The following SPAG16 variants were observed in gnomAD, a reference collection of about 807,000 sequenced individuals.
SPAG16 encodes sperm associated antigen 16, also known as sperm-associated antigen 16 protein.
In SPAG16, 86 loss-of-function variants were observed where a neutral mutation model predicts 80.4. The observed-to-expected ratio is 1.07, with a 90% CI of 0.90 to 1.28. The LOEUF is 1.28. SPAG16 is among the 50% of genes most tolerant of loss of function. The probability of loss-of-function intolerance (pLI) is 0.00; values close to 1 mark genes in which losing one functional copy is unlikely to be tolerated. For synonymous variants in SPAG16, 294 were observed against 265.9 expected (o/e 1.11, Z -1.03); for missense variants, 870 against 765.3 (o/e 1.14, Z -1.61).
At position 213,976,135 on chromosome 2, in the gene SPAG16, T is replaced by TATATATATATATACACACACAC. The variant is rs749957411; in HGVS notation, c.1401-37815_1401-37814insTATATATATATACACACACACA. Among the ~76,000 whole-genome samples the TATATATATATATACACACACAC allele has an allele frequency of 2.8e-4, 23 of 81,390 alleles. No individual in the cohort carries two copies. In the East Asian group the frequency reaches 3.0e-3, roughly 11 times the overall value. 53.4% of individuals were successfully genotyped at this position (81,390 alleles called of 152,430 possible). On this transcript the variant is annotated intron_variant, in intron 12 of 15. Coordinates refer to ENST00000331683, the MANE Select transcript of SPAG16 (RefSeq NM_024532.5). ...ATATATATATATATATATATATATA[T>TATATATATATATACACACACAC]ACACACACACACACACACACGTATG...
At chr2:214,262,121 A>T (rs1350902852) in intron 15 of SPAG16, among the ~76,000 whole-genome samples, 1 of 152,046 alleles carries the variant, frequency 6.6e-6, no homozygotes, top group African/African-American at 2.4e-5. Flanking sequence ...ATTTGTCATT[A>T]TTGTCCTTCT....
At position 213,855,392 on chromosome 2, in the gene SPAG16, G is replaced by A. The variant is rs189040790; in HGVS notation, c.1071-7093G>A. On this transcript the variant is annotated intron_variant, in intron 10 of 15. Coordinates refer to ENST00000331683, the MANE Select transcript of SPAG16 (RefSeq NM_024532.5). Reference sequence around the variant, plus strand: ...TACCACTTCCTAGCTTTGTGACCTCGGGTGGATCACTTAACCTCTATGTAT... The same window carrying A: ...TACCACTTCCTAGCTTTGTGACCTCAGGTGGATCACTTAACCTCTATGTAT... Among the ~76,000 whole-genome samples, 124 of 152,234 alleles carry A rather than the reference G, an allele frequency of 8.1e-4. 2 individuals carry two copies. Among genetic ancestry groups the A allele is most frequent in the Admixed American group, 2.1e-3 (32 of 15,290 alleles).
intron 11 of SPAG16, among the ~76,000 whole-genome samples, chr2:213,864,663 G>C (rs972105868): frequency 4.6e-5 from 7 of 151,728 alleles, no homozygotes; most frequent in African/African-American, 1.7e-4. Context: ...GCTTCTAGTT[G>C]AATATTTTCT....
chr2:213,606,119 G>A (rs1197180917), intron 10 of SPAG16, among the ~76,000 whole-genome samples: 4 of 152,202 alleles, frequency 2.6e-5, no homozygotes, highest in African/African-American at 7.2e-5. Flanking sequence ...TTGCTGAGAT[G>A]TATCCAAGTA....
chr2:214,209,541 T>C (rs1460320509), intron 15 of SPAG16, among the ~76,000 whole-genome samples: 1 of 152,204 alleles, frequency 6.6e-6, no homozygotes, highest in African/African-American at 2.4e-5. Flanking sequence ...TTGCTCTTGC[T>C]CTTGCTCTTC....
At chr2:214,245,505 G>T (rs1230863230) in intron 15 of SPAG16, among the ~76,000 whole-genome samples, 2 of 152,076 alleles carry the variant, frequency 1.3e-5, no homozygotes, top group South Asian at 2.1e-4. Context: ...ACAATCAAAA[G>T]AATTAATAAT....
intron 10 of SPAG16, among the ~76,000 whole-genome samples, chr2:213,725,216 G>T (rs576361695): frequency 6.7e-4 from 102 of 152,130 alleles, no homozygotes; most frequent in Non-Finnish European, 1.1e-3. Context: ...TAGAGACAGG[G>T]TTTTGTCACT....
intron 15 of SPAG16, among the ~76,000 whole-genome samples, chr2:214,246,728 C>A (rs1356685174): frequency 2.0e-5 from 3 of 150,550 alleles, no homozygotes; most frequent in African/African-American, 7.5e-5. Context: ...TTCTGAACTC[C>A]AGAGCTTTGG....
At chr2:213,979,087 G>A (rs2045562666) in intron 12 of SPAG16, among the ~76,000 whole-genome samples, 1 of 151,834 alleles carries the variant, frequency 6.6e-6, no homozygotes, top group South Asian at 2.1e-4. Flanking sequence ...TGTTCTATTG[G>A]TGACATATTC....
At chr2:214,124,063 T>A (rs1341713828) in intron 14 of SPAG16, among the ~76,000 whole-genome samples, 1 of 152,034 alleles carries the variant, frequency 6.6e-6, no homozygotes, top group African/African-American at 2.4e-5. Context: ...TAAATATTCA[T>A]TGACTAGGAA....
intron 10 of SPAG16, among the ~76,000 whole-genome samples, chr2:213,833,567 A>ATATATAT (rs2073904323): frequency 2.6e-4 from 1 of 3,786 alleles, no homozygotes; most frequent in African/African-American, 1.7e-3. Flanking sequence ...AATATATATA[A>ATATATAT]TATATATATA....
intron 10 of SPAG16, among the ~76,000 whole-genome samples, chr2:213,815,348 A>G (rs974294387): frequency 2.0e-5 from 3 of 152,180 alleles, no homozygotes; most frequent in Admixed American, 1.3e-4. Context: ...AAAGAACACA[A>G]GGGAATTTGG....
intron 10 of SPAG16, among the ~76,000 whole-genome samples, chr2:213,791,093 G>A (rs968381242): frequency 6.6e-6 from 1 of 151,954 alleles, no homozygotes; most frequent in African/African-American, 2.4e-5. Flanking sequence ...TGAGTTTTCA[G>A]TGGTGTGGAC....
intron 11 of SPAG16, among the ~76,000 whole-genome samples, chr2:213,927,797 C>T (rs2078553089): frequency 6.6e-6 from 1 of 151,926 alleles, no homozygotes. Context: ...AGAAACATAC[C>T]ACAATAATTT....
intron 15 of SPAG16, among the ~76,000 whole-genome samples, chr2:214,403,264 T>A (rs1701813485): frequency 6.6e-6 from 1 of 151,232 alleles, no homozygotes; most frequent in African/African-American, 2.4e-5. Flanking sequence ...ATGATAATAG[T>A]ATGTTGATAA....
At chr2:214,341,715 C>A (rs571436655) in intron 15 of SPAG16, among the ~76,000 whole-genome samples, 1 of 152,284 alleles carries the variant, frequency 6.6e-6, no homozygotes, top group South Asian at 2.1e-4. Context: ...TCAGGATAAG[C>A]ACATTTTCAG....
chr2:213,915,496 T>C (rs753323363), intron 11 of SPAG16, among the ~76,000 whole-genome samples: 3 of 152,202 alleles, frequency 2.0e-5, no homozygotes, highest in Non-Finnish European at 2.9e-5. Flanking sequence ...CCATGGTGTA[T>C]ATGTGCCACA....
chr2:213,500,872 C>T (rs1303594927), intron 10 of SPAG16, among the ~76,000 whole-genome samples: 6 of 152,206 alleles, frequency 3.9e-5, no homozygotes, highest in African/African-American at 1.4e-4. Flanking sequence ...GCTCTAGCCC[C>T]TAATCACGGC....
At chr2:214,239,890 C>T (rs1689344790) in intron 15 of SPAG16, 1 of 151,840 alleles carries the variant, frequency 6.6e-6, no homozygotes, top group African/African-American at 2.4e-5. Context: ...CAATTTAAAA[C>T]AATATAAATT....
Sources: allele counts gnomAD v4.1 joint callset (sites outside exome capture counted in the v4.1 genomes callset), GRCh38; gene constraint gnomAD v4.1.1; transcripts MANE v1.5; gene names NCBI Gene and HGNC (gene_info 2026-07-23, HGNC 2026-07-21).